EBF2: variants seen among roughly 807,000 people sequenced by gnomAD.
EBF2 encodes transcription factor COE2.
EBF2 carries 21 observed loss-of-function variants against 72.8 expected under a neutral mutation model. The observed-to-expected ratio is 0.29, with a 90% CI of 0.20 to 0.42. The LOEUF is 0.42. EBF2 is among the 10% of genes least tolerant of loss of function. EBF2 has a pLI of 1.00. For missense variants in EBF2, 637 were observed against 731.2 expected (o/e 0.87, Z 1.49); for synonymous variants, 299 against 274.2 (o/e 1.09, Z -0.89).
intron 6 of EBF2, among the ~76,000 whole-genome samples, chr8:25,961,159 T>C (rs1329627944): frequency 1.3e-5 from 2 of 152,142 alleles, no homozygotes; most frequent in Non-Finnish European, 2.9e-5. Flanking sequence ...AAAAAGACAG[T>C]GTGTGAAACA....
rs1805436559 is a variant in EBF2, at chr8:26,033,152, G to A, written c.484C>T (p.Arg162Ter). 2 of 1,613,786 alleles carry A rather than the reference G, an allele frequency of 1.2e-6. No homozygotes were observed. The highest frequency in any genetic ancestry group is 1.7e-6 in the Non-Finnish European group (2 of 1,179,930). The change falls in exon 6 of 16, where the codon CGA becomes TGA. Residue 162 changes from arginine (R) to a stop codon, truncating the protein, a stop_gained and splice_region_variant. Transcript: ENST00000520164. LOFTEE classifies it high-confidence loss of function. ...CCACAGCTTTTCTTTTCGCAGCATC[G>A]ACTGTAGATTGGGAAGGAACCAAGA... Reference protein sequence around the residue: ...VLLTHEVMCSRCCEKKSCGNR... With the variant: ...VLLTHEVMCS
chr8:25,936,181 T>G (rs545744080), intron 6 of EBF2, among the ~76,000 whole-genome samples: 10 of 152,308 alleles, frequency 6.6e-5, no homozygotes, highest in Non-Finnish European at 1.2e-4. Flanking sequence ...CCAAAAGACA[T>G]TATACTAAAA....
chr8:25,913,368 G>A (rs1803158641), intron 6 of EBF2, among the ~76,000 whole-genome samples: 1 of 152,074 alleles, frequency 6.6e-6, no homozygotes, highest in African/African-American at 2.4e-5. Flanking sequence ...TTGAACCTGG[G>A]AGGTGGAGGT....
At chr8:26,018,196 A>G (rs539176970) in intron 6 of EBF2, among the ~76,000 whole-genome samples, 17 of 151,890 alleles carry the variant, frequency 1.1e-4, no homozygotes, top group Admixed American at 2.0e-4. Flanking sequence ...GTTACTGACA[A>G]GCACGCTGTC....
chr8:25,842,516 T>G lies in EBF2; in HGVS notation c.*2093A>C, dbSNP rs1332221239. The G allele has an allele frequency of 6.6e-6, 1 of 152,230 alleles. No individual in the cohort carries two copies. Among genetic ancestry groups the G allele is most frequent in the Non-Finnish European group, 1.5e-5 (1 of 68,050 alleles). 9.4% of individuals were successfully genotyped at this position (152,230 alleles called of 1,614,324 possible). ...CAGGGCTAAACATGCTTAATTTTGC[T>G]CTGCCTTCACTTTTGGAAGGTAACA... On this transcript the variant is annotated 3_prime_UTR_variant, in exon 16 of 16. Coordinates refer to ENST00000520164, the MANE Select transcript of EBF2 (RefSeq NM_022659.4).
chr8:25,852,191 A>AAAAC lies in EBF2; in HGVS notation c.1529-1434_1529-1431dup, dbSNP rs538846271. ...TAATACTTGAATATGTAAATGAATA[A>AAAAC]AAACACTGTTGGGCTAATTCACATA... is the stretch of plus-strand genomic sequence containing the variant. On this transcript the variant is annotated intron_variant, in intron 14 of 15. Transcript: ENST00000520164. Among the ~76,000 whole-genome samples, 37 of 152,314 alleles carry AAAAC rather than the reference A, an allele frequency of 2.4e-4. No individual in the cohort carries two copies. The East Asian group carries it at 7.1e-3, about 29-fold the overall frequency.
chr8:25,999,147 A>C (rs1010417119), intron 6 of EBF2, among the ~76,000 whole-genome samples: 1 of 152,200 alleles, frequency 6.6e-6, no homozygotes, highest in Admixed American at 6.5e-5. Context: ...ACATGTACCC[A>C]ATAGGCCCTT....
chr8:25,949,139 C>G (rs570121621), intron 6 of EBF2, among the ~76,000 whole-genome samples: 4 of 152,230 alleles, frequency 2.6e-5, no homozygotes, highest in African/African-American at 9.6e-5. Context: ...TGTAACTACC[C>G]CATGAGGTTC....
chr8:26,034,252 G>A (rs1411748209), intron 5 of EBF2, among the ~76,000 whole-genome samples: 2 of 152,050 alleles, frequency 1.3e-5, no homozygotes, highest in East Asian at 1.9e-4. Flanking sequence ...TTTAAAATAC[G>A]AGGAAAATGA....
intron 7 of EBF2, among the ~76,000 whole-genome samples, chr8:25,905,278 G>T (rs1003899860): frequency 6.6e-6 from 1 of 152,172 alleles, no homozygotes; most frequent in Non-Finnish European, 1.5e-5. Flanking sequence ...AAACAGTTTG[G>T]CAGTTCCTCA....
intron 6 of EBF2, among the ~76,000 whole-genome samples, chr8:25,971,746 C>T (rs549373019): frequency 2.0e-5 from 3 of 151,538 alleles, no homozygotes; most frequent in Non-Finnish European, 2.9e-5. Flanking sequence ...TTTTTTTCCT[C>T]GAGCTAAGCC....
At chr8:25,925,270 C>T (rs1342778774) in intron 6 of EBF2, among the ~76,000 whole-genome samples, 1 of 151,940 alleles carries the variant, frequency 6.6e-6, no homozygotes, top group Admixed American at 6.6e-5. Context: ...TATTTTATCC[C>T]TAAATAGTCC....
chr8:25,861,316 T>C lies in EBF2; in HGVS notation c.1157A>G (p.Asn386Ser). The change falls in exon 12 of 16, where the codon AAT (asparagine) becomes AGT (serine). Residue 386 changes from asparagine to serine, a missense_variant. Transcript: ENST00000520164. ...LVEALYGTPH[N>S]NQDIILKRAA... ...AGGATGTCAGTATCTCACCTGGTTA[T>C]TGTGTGGTGTGCCATAAAGAGCTTC... The C allele has an allele frequency of 1.9e-6, 3 of 1,614,214 alleles. No homozygotes were observed. Among genetic ancestry groups the C allele is most frequent in the East Asian group, 2.2e-5 (1 of 44,882 alleles).
chr8:25,906,376 T>C (rs769392290), intron 7 of EBF2, among the ~76,000 whole-genome samples: 5 of 152,200 alleles, frequency 3.3e-5, no homozygotes, highest in Non-Finnish European at 5.9e-5. Flanking sequence ...ATTATTTACA[T>C]TTTTATTTGG....
chr8:25,872,643 A>T (rs1802459572), intron 10 of EBF2, among the ~76,000 whole-genome samples: 1 of 152,054 alleles, frequency 6.6e-6, no homozygotes, highest in Non-Finnish European at 1.5e-5. Flanking sequence ...GAATAAGGAA[A>T]ACCACTGAAA....
At chr8:25,963,230 G>A (rs1384286962) in intron 6 of EBF2, among the ~76,000 whole-genome samples, 1 of 152,194 alleles carries the variant, frequency 6.6e-6, no homozygotes, top group Non-Finnish European at 1.5e-5. Context: ...CCAAGGCACA[G>A]GGAAAATGAC....
rs1802204843 is a variant in EBF2 at position 25,861,150 on chromosome 8, G to T, written c.1241C>A (p.Ala414Asp). ...ACTGTGCGCTGGGGAGCTAGAGAGGGCTGGAAGCTGGCTGGGATTCCTGGG... is the reference window on the plus strand; with the variant it reads ...ACTGTGCGCTGGGGAGCTAGAGAGGTCTGGAAGCTGGCTGGGATTCCTGGG... ...SVPRNPSQLP[A>D]LSSSPAHSGM... The change falls in exon 13 of 16, where the codon GCC becomes GAC. Residue 414 changes from alanine to aspartate, a missense_variant. Around this residue, in one of 3 missense-constraint regions of EBF2, gnomAD observed 259 missense variants for 268.1 expected, o/e 0.97. Transcript: ENST00000520164. 6.2e-7 allele frequency: 1 copy of T among 1,614,030 alleles called. No homozygotes were observed.
At position 25,843,434 on chromosome 8, in the gene EBF2, A is replaced by G. The variant is rs180961511; in HGVS notation, c.*1175T>C. ...CTCCAAACCGTGTTGCTGAAGTTCT[A>G]TGGGGCTGTGTACCTCTGTACTGAA... is the stretch of plus-strand genomic sequence containing the variant. On this transcript the variant is annotated 3_prime_UTR_variant, in exon 16 of 16. Coordinates refer to ENST00000520164, the MANE Select transcript of EBF2 (RefSeq NM_022659.4). The G allele has an allele frequency of 5.9e-5, 9 of 152,334 alleles. No homozygotes were observed. The highest frequency in any genetic ancestry group is 3.9e-4 in the East Asian group (2 of 5,182). 9.4% of individuals were successfully genotyped at this position (152,334 alleles called of 1,614,324 possible). A position where few individuals can be genotyped will look rare whatever the true frequency, so the allele number is the denominator to read the frequency against.
chr8:25,996,848 A>G (rs530636240), intron 6 of EBF2, among the ~76,000 whole-genome samples: 1 of 152,356 alleles, frequency 6.6e-6, no homozygotes, highest in African/African-American at 2.4e-5. Flanking sequence ...AATGAAAAAC[A>G]TTCAGAATTT....
Sources: allele counts gnomAD v4.1 joint callset (sites outside exome capture counted in the v4.1 genomes callset), GRCh38; gene constraint gnomAD v4.1.1; regional missense constraint gnomAD v4.1.1; transcripts MANE v1.5; gene names NCBI Gene and HGNC (gene_info 2026-07-23, HGNC 2026-07-21).